The following TTC7A variants were observed in gnomAD, a reference collection of about 807,000 sequenced individuals.
The protein encoded by TTC7A is tetratricopeptide repeat domain 7A.
In TTC7A, 110 loss-of-function variants were observed where a neutral mutation model predicts 103.7. That is an observed-to-expected ratio of 1.06 (90% CI 0.91 to 1.24). The LOEUF (loss-of-function observed/expected upper bound fraction) is 1.24. Among genes scored for constraint, TTC7A ranks in the 50% most tolerant of loss-of-function variants. The pLI is 0.00. For missense variants in TTC7A, 1,340 were observed against 1,116.3 expected (o/e 1.20, Z -2.86); for synonymous variants, 521 against 467.9 (o/e 1.11, Z -1.47).
intron 18 of TTC7A, among the ~76,000 whole-genome samples, chr2:47,059,862 A>G (rs1683625027): frequency 6.6e-6 from 1 of 152,142 alleles, no homozygotes; most frequent in Admixed American, 6.5e-5. Flanking sequence ...AAGTGGGGTA[A>G]TAAAAGTACT....
chr2:47,046,358 C>A lies in TTC7A; in HGVS notation c.1846C>A (p.Pro616Thr). The change falls in exon 16 of 20, where the codon CCA becomes ACA. Residue 616 changes from proline (P) to threonine (T), a missense_variant. Pro to Thr is a conservative substitution (Grantham distance 38, BLOSUM62 -1). Coordinates refer to ENST00000319190, the MANE Select transcript of TTC7A (RefSeq NM_020458.4). ...KVKLEQVLKG[P>T]EEALVTCRQV... ...GAAGCTGGAGCAGGTGCTGAAAGGC[C>A]CAGAGGAAGCCCTCGTGACCTGCAG... The A allele has an allele frequency of 6.2e-7, 1 of 1,614,184 alleles. No homozygotes were observed. Among genetic ancestry groups the A allele is most frequent in the South Asian group, 1.1e-5 (1 of 91,074 alleles).
Position 47,052,791 on chromosome 2 carries a change from C to T in TTC7A, c.2152+911C>T, listed in dbSNP as rs534687935. On this transcript the variant is annotated intron_variant, in intron 18 of 19. Coordinates refer to ENST00000319190, the MANE Select transcript of TTC7A (RefSeq NM_020458.4). ...ACACAACCCCTTGGCCTAGAGCTGC[C>T]CACGTGAAGTTCTGGGCCCAGGAGT... Among the ~76,000 whole-genome samples, 32 of 152,208 alleles carry T rather than the reference C, an allele frequency of 2.1e-4. No individual in the cohort carries two copies. In the South Asian group the frequency reaches 6.2e-3, roughly 30 times the overall value.
At chr2:46,920,392 C>T (rs1050028437) in intron 2 of TTC7A, among the ~76,000 whole-genome samples, 50 of 151,990 alleles carry the variant, frequency 3.3e-4, no homozygotes, top group African/African-American at 1.1e-3. Context: ...TACAGTGGCA[C>T]GATCTTAGCT....
intron 18 of TTC7A, among the ~76,000 whole-genome samples, chr2:47,055,506 G>C (rs1251505966): frequency 6.6e-6 from 1 of 152,162 alleles, no homozygotes; most frequent in Non-Finnish European, 1.5e-5. Context: ...GAGTCCCATA[G>C]ATGCTCCAGG....
At chr2:46,976,552 C>T (rs368487501) in intron 4 of TTC7A, among the ~76,000 whole-genome samples, 4 of 152,200 alleles carry the variant, frequency 2.6e-5, no homozygotes, top group African/African-American at 9.7e-5. Context: ...GTCCAGTACC[C>T]GTTTTTGTGA....
At chr2:47,062,948 C>T (rs147145681) in intron 19 of TTC7A, among the ~76,000 whole-genome samples, 73 of 152,360 alleles carry the variant, frequency 4.8e-4, no homozygotes, top group African/African-American at 1.7e-3. Context: ...TCGGCTTCTG[C>T]GTGGGCAGCC....
intron 8 of TTC7A, among the ~76,000 whole-genome samples, chr2:47,000,669 AGGG>A (rs1166349129): frequency 6.6e-6 from 1 of 152,068 alleles, no homozygotes; most frequent in Non-Finnish European, 1.5e-5. Flanking sequence ...TCCTCCAGGG[AGGG>A]GGCAGGTGCT....
chr2:46,930,691 G>C (rs1278579056), intron 2 of TTC7A, among the ~76,000 whole-genome samples: 2 of 152,012 alleles, frequency 1.3e-5, no homozygotes, highest in Admixed American at 6.6e-5. Context: ...GTAGAGACAG[G>C]GTTTCAGCCT....
At chr2:46,928,274 C>T (rs906099606) in intron 2 of TTC7A, among the ~76,000 whole-genome samples, 1 of 151,646 alleles carries the variant, frequency 6.6e-6, no homozygotes, top group Non-Finnish European at 1.5e-5. Context: ...TCTCACAGTT[C>T]TGTAGATCAG....
intron 1 of TTC7A, among the ~76,000 whole-genome samples, chr2:46,948,055 C>T (rs548843699): frequency 6.6e-6 from 1 of 152,340 alleles, no homozygotes; most frequent in South Asian, 2.1e-4. Flanking sequence ...GAGCTCTGGT[C>T]CGGGCAGGTG....
Position 47,049,989 on chromosome 2 carries a change from A to G in TTC7A, c.1960A>G (p.Met654Val), listed in dbSNP as rs750008360. The G allele has an allele frequency of 6.8e-6, 11 of 1,614,066 alleles. No individual in the cohort carries two copies. Among genetic ancestry groups the G allele is most frequent in the Middle Eastern group, 1.6e-4 (1 of 6,084 alleles). The change falls in exon 17 of 20, where the codon ATG becomes GTG. Residue 654 changes from methionine to valine, a missense_variant. Transcript: ENST00000319190. ...KDGSFGEGLT[M>V]KKQSGMHLTL... ...TGGCAGCTTCGGTGAGGGCCTCACC[A>G]TGAAGAAGCAGAGTGGCATGCACCT...
At chr2:47,029,442 G>T in intron 15 of TTC7A, 58 bp downstream of exon 15, 1 of 1,586,038 alleles carries the variant, frequency 6.3e-7, no homozygotes, top group Non-Finnish European at 8.6e-7. Context: ...TGCAGCAGGC[G>T]CCCATGCACA....
At chr2:47,030,941 G>A (rs996089131) in intron 15 of TTC7A, among the ~76,000 whole-genome samples, 1 of 152,176 alleles carries the variant, frequency 6.6e-6, no homozygotes, top group African/African-American at 2.4e-5. Context: ...AGGTCAGGAG[G>A]TTCAAGACCA....
intron 11 of TTC7A, among the ~76,000 whole-genome samples, chr2:47,014,995 G>T (rs552757822): frequency 6.6e-6 from 1 of 152,378 alleles, no homozygotes; most frequent in South Asian, 2.1e-4. Context: ...GCATGGTCAC[G>T]TGCTGGCTGG....
In TTC7A at chr2:46,950,388, T is replaced by C; in HGVS notation, c.210T>C (p.Ala70=). Residue 70 remains alanine (A), a synonymous_variant, in exon 2 of 20, where the codon GCT becomes GCC. Coordinates refer to ENST00000319190, the MANE Select transcript of TTC7A (RefSeq NM_020458.4). ...ATGACTTTGGGAAATTGCTGCTGGC[T>C]GAGGCCCTCCTGGAGCAGTGTTTGA... The part of the protein sequence containing the change: ...DTDDFGKLLL[A]EALLEQCLKE... 2 of 1,614,168 alleles carry C rather than the reference T, an allele frequency of 1.2e-6. No individual in the cohort carries two copies. Among genetic ancestry groups the C allele is most frequent in the Non-Finnish European group, 1.7e-6 (2 of 1,180,028 alleles).
At chr2:46,923,291 G>A (rs996289137) in intron 2 of TTC7A, among the ~76,000 whole-genome samples, 3 of 152,036 alleles carry the variant, frequency 2.0e-5, no homozygotes, top group Non-Finnish European at 2.9e-5. Flanking sequence ...CCTGGAGGTT[G>A]GAGGTGGGGC....
At chr2:46,923,438 G>A (rs1196208191) in intron 2 of TTC7A, among the ~76,000 whole-genome samples, 2 of 152,180 alleles carry the variant, frequency 1.3e-5, no homozygotes, top group African/African-American at 2.4e-5. Flanking sequence ...AAGGATTGTA[G>A]GAGTTGTATG....
chr2:47,058,636 T>G (rs534408082), intron 18 of TTC7A, among the ~76,000 whole-genome samples: 2 of 152,362 alleles, frequency 1.3e-5, no homozygotes, highest in Admixed American at 1.3e-4. Flanking sequence ...TCTGCGTTCC[T>G]CATCTGTGTC....
At position 47,029,276 on chromosome 2, in the gene TTC7A, A is replaced by G; in HGVS notation, c.1694A>G (p.Asp565Gly). The G allele has an allele frequency of 6.2e-7, 1 of 1,614,040 alleles. No homozygotes were observed. ...LQEALKVRKD[D>G]AHALHLLALL... ...GAGGCCCTGAAGGTACGCAAGGATG[A>G]TGCCCACGCCCTCCACCTGCTGGCA... The change falls in exon 15 of 20, where the codon GAT (aspartate) becomes GGT (glycine). Residue 565 changes from aspartate to glycine, a missense_variant. Physicochemically the swap from Asp to Gly is moderately conservative, Grantham distance 94. Coordinates refer to ENST00000319190, the MANE Select transcript of TTC7A (RefSeq NM_020458.4).
Sources: gnomAD v4.1 joint callset for allele counts (sites outside exome capture counted in the v4.1 genomes callset) on GRCh38, gnomAD v4.1.1 for gene constraint, MANE v1.5 for transcripts, NCBI Gene and HGNC (gene_info 2026-07-23, HGNC 2026-07-21) for gene names.